Variants in FUT9 observed in about 807,000 individuals in gnomAD.
FUT9 encodes the protein fucosyltransferase 9, also known as 4-galactosyl-N-acetylglucosaminide 3-alpha-L-fucosyltransferase 9.
FUT9 carries 15 observed loss-of-function variants against 29.7 expected under a neutral mutation model. The ratio of observed to expected loss-of-function variants is 0.51; its 90% CI spans 0.34 to 0.78. FUT9 has a LOEUF of 0.78. Among genes scored for constraint, FUT9 ranks in the 30% least tolerant of loss-of-function variants. FUT9 has a pLI of 0.01. For missense variants in FUT9, 319 were observed against 425.4 expected, an observed-to-expected ratio of 0.75 and a Z score of 2.20; for synonymous variants, 169 against 153.7, an observed-to-expected ratio of 1.10 and a Z score of -0.74.
At chr6:96,047,709 G>A (rs764931870) in intron 1 of FUT9, among the ~76,000 whole-genome samples, 6 of 152,016 alleles carry the variant, frequency 3.9e-5, no homozygotes, top group Admixed American at 1.3e-4. Context: ...CAAGGGTTAC[G>A]ATAGAAAAAC....
At chr6:96,077,289 TAGTC>T (rs1300438466) in intron 1 of FUT9, among the ~76,000 whole-genome samples, 14 of 152,144 alleles carry the variant, frequency 9.2e-5, no homozygotes, top group Admixed American at 7.9e-4. Flanking sequence ...TTAGAAACTT[TAGTC>T]AGTTTATATA....
chr6:96,176,510 A>T (rs1217221251), intron 2 of FUT9, among the ~76,000 whole-genome samples: 2 of 152,172 alleles, frequency 1.3e-5, no homozygotes, highest in African/African-American at 4.8e-5. Context: ...GTTTTCCAGT[A>T]AAATATTATT....
At chr6:96,065,655 A>G (rs980933666) in intron 1 of FUT9, among the ~76,000 whole-genome samples, 1 of 152,172 alleles carries the variant, frequency 6.6e-6, no homozygotes, top group African/African-American at 2.4e-5. Context: ...TGTTTTTCAT[A>G]ACATTTCCTC....
At chr6:96,065,339 A>G (rs1374425077) in intron 1 of FUT9, among the ~76,000 whole-genome samples, 1 of 152,072 alleles carries the variant, frequency 6.6e-6, no homozygotes, top group African/African-American at 2.4e-5. Context: ...TCTCTTAAGG[A>G]TTTGCCTTTC....
At chr6:96,147,156 T>A (rs1446831049) in intron 2 of FUT9, among the ~76,000 whole-genome samples, 1 of 151,760 alleles carries the variant, frequency 6.6e-6, no homozygotes, top group Non-Finnish European at 1.5e-5. Flanking sequence ...ATTTTTTTTT[T>A]ATTTTTCTTT....
Position 96,108,943 on chromosome 6 carries a change from T to G in FUT9, c.-97-5096T>G, listed in dbSNP as rs144503575. On this transcript the variant is annotated intron_variant, in intron 1 of 2. Coordinates refer to ENST00000302103, the MANE Select transcript of FUT9 (RefSeq NM_006581.4). The stretch of plus-strand genomic sequence containing the variant: ...AGAGAGAGAGTGTTAGGAACCCTTA[T>G]GGCCATAACCCCTACCAACTCTCTG... Among the ~76,000 whole-genome samples the G allele has an allele frequency of 5.3e-4, 81 of 152,220 alleles. No individual in the cohort carries two copies. In the East Asian group the frequency reaches 0.014, roughly 27 times the overall value.
chr6:96,161,647 C>T (rs934305924), intron 2 of FUT9, among the ~76,000 whole-genome samples: 2 of 152,116 alleles, frequency 1.3e-5, no homozygotes, highest in Non-Finnish European at 1.5e-5. Context: ...CAAATACTTA[C>T]GGGATCTAAA....
chr6:96,028,241 A>C (rs1474534104), intron 1 of FUT9, among the ~76,000 whole-genome samples: 1 of 151,594 alleles, frequency 6.6e-6, no homozygotes, highest in Non-Finnish European at 1.5e-5. Context: ...GGCTTCATGG[A>C]AACACTGCGT....
At chr6:96,091,824 C>T (rs1013240275) in intron 1 of FUT9, among the ~76,000 whole-genome samples, 1 of 151,988 alleles carries the variant, frequency 6.6e-6, no homozygotes, top group African/African-American at 2.4e-5. Context: ...AGGGGCTTTG[C>T]CAAGTCCAGA....
At chr6:96,146,073 C>A (rs943210213) in intron 2 of FUT9, among the ~76,000 whole-genome samples, 1 of 152,066 alleles carries the variant, frequency 6.6e-6, no homozygotes, top group Non-Finnish European at 1.5e-5. Context: ...AACTCCTGGG[C>A]TCCAGGGACC....
At chr6:96,189,496 G>C (rs1169477784) in intron 2 of FUT9, among the ~76,000 whole-genome samples, 1 of 152,130 alleles carries the variant, frequency 6.6e-6, no homozygotes, top group African/African-American at 2.4e-5. Context: ...ATCTAATGTT[G>C]ACAGTGGGGT....
chr6:96,039,889 A>G (rs542395201), intron 1 of FUT9, among the ~76,000 whole-genome samples: 5 of 152,266 alleles, frequency 3.3e-5, no homozygotes, highest in Admixed American at 1.3e-4. Flanking sequence ...TGTTTCTACA[A>G]GACTTTCTTG....
rs1462103047 is a variant in FUT9, at chr6:96,211,299, G to A, written c.*7064G>A. The A allele has an allele frequency of 1.2e-5, 2 of 166,688 alleles. No individual in the cohort carries two copies. Among genetic ancestry groups the A allele is most frequent in the African/African-American group, 4.8e-5 (2 of 41,388 alleles). 10.3% of individuals were successfully genotyped at this position (166,688 alleles called of 1,614,324 possible). A position where few individuals can be genotyped will look rare whatever the true frequency, so the allele number is the denominator to read the frequency against. On this transcript the variant is annotated 3_prime_UTR_variant, in exon 3 of 3. Transcript: ENST00000302103. ...AGTCCTAATTTTCTCTCCCTGTTAT[G>A]AGCAATCAGTAAATTTGTAGTCAAT... is the stretch of plus-strand genomic sequence containing the variant.
intron 1 of FUT9, among the ~76,000 whole-genome samples, chr6:96,099,678 T>C (rs1338898968): frequency 6.6e-6 from 1 of 152,132 alleles, no homozygotes; most frequent in African/African-American, 2.4e-5. Flanking sequence ...TTTATTAGTG[T>C]ATTTAGAATA....
intron 2 of FUT9, among the ~76,000 whole-genome samples, chr6:96,127,969 C>G (rs1024412967): frequency 2.0e-5 from 3 of 151,938 alleles, no homozygotes; most frequent in Non-Finnish European, 4.4e-5. Flanking sequence ...TTCTCCTATT[C>G]TATAGATTTT....
chr6:96,189,269 G>A (rs1773461312), intron 2 of FUT9, among the ~76,000 whole-genome samples: 1 of 152,072 alleles, frequency 6.6e-6, no homozygotes, highest in South Asian at 2.1e-4. Flanking sequence ...CAAGCATGGT[G>A]ATGGAGGGAA....
In FUT9 at chr6:96,210,182, T is replaced by C. The variant is rs1773910767; in HGVS notation, c.*5947T>C. 1 of 166,926 alleles carries C rather than the reference T, an allele frequency of 6.0e-6. No individual in the cohort carries two copies. The highest frequency in any genetic ancestry group is 1.5e-5 in the Non-Finnish European group (1 of 68,050). 10.3% of individuals were successfully genotyped at this position (166,926 alleles called of 1,614,324 possible). A position where few individuals can be genotyped will look rare whatever the true frequency, so the allele number is the denominator to read the frequency against. ...ACCTGTTTAGATGGGTAGTATTCTA[T>C]TAAATATGAGGTATTACCTTTCTTT... On this transcript the variant is annotated 3_prime_UTR_variant, in exon 3 of 3. Transcript: ENST00000302103.
At chr6:96,116,608 A>G (rs1771916046) in intron 2 of FUT9, among the ~76,000 whole-genome samples, 1 of 152,224 alleles carries the variant, frequency 6.6e-6, no homozygotes. Flanking sequence ...AAATATTTTT[A>G]AAAGGAAAGT....
intron 1 of FUT9, among the ~76,000 whole-genome samples, chr6:96,097,969 T>C (rs1771528224): frequency 6.6e-6 from 1 of 152,030 alleles, no homozygotes; most frequent in Admixed American, 6.6e-5. Flanking sequence ...CGTGCCACCC[T>C]TGCTCCCACC....
Sources: allele counts gnomAD v4.1 joint callset (sites outside exome capture counted in the v4.1 genomes callset), GRCh38; gene constraint gnomAD v4.1.1; transcripts MANE v1.5; gene names NCBI Gene and HGNC (gene_info 2026-07-23, HGNC 2026-07-21).